Variants in DPP10 observed in about 807,000 individuals in gnomAD.
DPP10 encodes inactive dipeptidyl peptidase 10.
DPP10 carries 33 observed loss-of-function variants against 120.9 expected under a neutral mutation model. That is an observed-to-expected ratio of 0.27 (90% CI 0.21 to 0.37). The LOEUF is 0.37. Ranked by LOEUF, DPP10 falls within the 10% of genes least tolerant of loss-of-function variation. The pLI is 1.00. For synonymous variants in DPP10, 337 were observed against 326.1 expected, an observed-to-expected ratio of 1.03 and a Z score of -0.36; for missense variants, 816 against 942.8, an observed-to-expected ratio of 0.87 and a Z score of 1.76.
chr2:114,758,358 A>G lies in DPP10; in HGVS notation c.60+315520A>G, dbSNP rs539870799. Among the ~76,000 whole-genome samples, 5 of 152,314 alleles carry G rather than the reference A, an allele frequency of 3.3e-5. No homozygotes were observed. The South Asian group carries it at 6.2e-4, about 19-fold the overall frequency. On this transcript the variant is annotated intron_variant, in intron 1 of 25. Coordinates refer to ENST00000410059, the MANE Select transcript of DPP10 (RefSeq NM_020868.6). ...ATGCTGAGCAGATTCCCAAGCTGCC[A>G]TTTCACCCAATCATATTTTAGACAG...
chr2:114,472,132 T>C (rs1240100966), intron 1 of DPP10, among the ~76,000 whole-genome samples: 1 of 152,190 alleles, frequency 6.6e-6, no homozygotes, highest in Non-Finnish European at 1.5e-5. Flanking sequence ...GATTGGTCCA[T>C]GTGATTAGGC....
intron 15 of DPP10, among the ~76,000 whole-genome samples, chr2:115,780,064 A>G (rs1682565804): frequency 6.6e-6 from 1 of 152,004 alleles, no homozygotes; most frequent in African/African-American, 2.4e-5. Context: ...TCATTCCAAA[A>G]TGAAATTGAG....
intron 7 of DPP10, among the ~76,000 whole-genome samples, chr2:115,705,295 C>T (rs1444364509): frequency 6.6e-6 from 1 of 151,858 alleles, no homozygotes; most frequent in Non-Finnish European, 1.5e-5. Flanking sequence ...CTTCATATTC[C>T]ATTAAATATC....
intron 1 of DPP10, among the ~76,000 whole-genome samples, chr2:115,100,544 G>A (rs1263972476): frequency 3.3e-5 from 5 of 151,670 alleles, no homozygotes; most frequent in East Asian, 1.9e-4. Context: ...TTGTATATAC[G>A]TATGTGTGTA....
intron 1 of DPP10, among the ~76,000 whole-genome samples, chr2:115,192,759 G>C (rs949501365): frequency 6.6e-6 from 1 of 151,874 alleles, no homozygotes; most frequent in Non-Finnish European, 1.5e-5. Context: ...TTTAATGTCT[G>C]ACCATAACAT....
At chr2:114,612,582 A>C (rs916964113) in intron 1 of DPP10, among the ~76,000 whole-genome samples, 1 of 152,134 alleles carries the variant, frequency 6.6e-6, no homozygotes, top group African/African-American at 2.4e-5. Flanking sequence ...AGGTAAGGCT[A>C]TCCTAAACCT....
At chr2:114,609,372 T>C (rs1693095038) in intron 1 of DPP10, among the ~76,000 whole-genome samples, 1 of 152,140 alleles carries the variant, frequency 6.6e-6, no homozygotes, top group African/African-American at 2.4e-5. Context: ...ACTGCTTCCG[T>C]GACAGTCAAT....
At chr2:115,157,729 T>C (rs1004542724) in intron 1 of DPP10, among the ~76,000 whole-genome samples, 2 of 152,188 alleles carry the variant, frequency 1.3e-5, no homozygotes, top group Non-Finnish European at 1.5e-5. Context: ...GCAGAAGATA[T>C]GAACTAAAGC....
chr2:115,577,664 A>G (rs557800989), intron 5 of DPP10, among the ~76,000 whole-genome samples: 61 of 152,204 alleles, frequency 4.0e-4, no homozygotes, highest in African/African-American at 1.4e-3. Flanking sequence ...AGGTGCCCAC[A>G]GGGTTGGTGT....
At chr2:114,740,355 T>G (rs1324272299) in intron 1 of DPP10, among the ~76,000 whole-genome samples, 2 of 93,368 alleles carry the variant, frequency 2.1e-5, no homozygotes, top group Admixed American at 1.4e-4. Context: ...TGGGGACTGT[T>G]GTGGGGTGGG....
chr2:115,381,845 G>A (rs528378603), intron 3 of DPP10, among the ~76,000 whole-genome samples: 44 of 152,064 alleles, frequency 2.9e-4, no homozygotes, highest in African/African-American at 9.9e-4. Context: ...GCTGGGGGGT[G>A]CCTCCCAGTT....
chr2:114,650,210 G>A (rs1437717523), intron 1 of DPP10, among the ~76,000 whole-genome samples: 3 of 152,092 alleles, frequency 2.0e-5, no homozygotes, highest in African/African-American at 7.2e-5. Context: ...GAGAGCACAC[G>A]ATGTGAGAAC....
chr2:114,587,301 CA>C (rs11364968), intron 1 of DPP10, among the ~76,000 whole-genome samples: 69,883 of 102,892 alleles, frequency 0.68, 22,959 homozygotes, highest in Middle Eastern at 0.74. Context: ...AACTCCATCT[CA>C]AAAAAAAAAA....
intron 1 of DPP10, among the ~76,000 whole-genome samples, chr2:114,753,568 T>C (rs1037782204): frequency 3.3e-5 from 5 of 152,120 alleles, no homozygotes; most frequent in Admixed American, 1.3e-4. Flanking sequence ...AAATATGTTA[T>C]ATTGTACTTG....
intron 1 of DPP10, chr2:115,131,097 G>A (rs552028219): frequency 1.3e-4 from 20 of 152,314 alleles, no homozygotes; most frequent in Admixed American, 1.1e-3. Context: ...AGCAAGGAAG[G>A]GCTCCTGAGG....
At chr2:114,855,802 G>A (rs1354654292) in intron 1 of DPP10, among the ~76,000 whole-genome samples, 1 of 152,130 alleles carries the variant, frequency 6.6e-6, no homozygotes, top group East Asian at 1.9e-4. Context: ...ATTTCTAGTT[G>A]CTTAATGGCT....
rs185470392 is a variant in DPP10 at position 114,983,953 on chromosome 2, A to T, written c.61-325286A>T. On this transcript the variant is annotated intron_variant, in intron 1 of 25. Transcript: ENST00000410059. The stretch of plus-strand genomic sequence containing the variant: ...GCTCCAGAGCCCATGCTTTGACTTA[A>T]CCACTCTTACACCGCCTCTCCATGC... Among the ~76,000 whole-genome samples, 117 of 152,316 alleles carry T rather than the reference A, an allele frequency of 7.7e-4. No individual in the cohort carries two copies. In the South Asian group the frequency reaches 9.9e-3, roughly 13 times the overall value.
At chr2:115,160,904 A>T (rs2052262842) in intron 1 of DPP10, among the ~76,000 whole-genome samples, 1 of 151,990 alleles carries the variant, frequency 6.6e-6, no homozygotes, top group Admixed American at 6.5e-5. Flanking sequence ...CCTCTCTCTG[A>T]GCCTCACAGT....
At chr2:114,978,253 C>T (rs1699873536) in intron 1 of DPP10, among the ~76,000 whole-genome samples, 1 of 152,144 alleles carries the variant, frequency 6.6e-6, no homozygotes, top group African/African-American at 2.4e-5. Context: ...TGAAGTGTGA[C>T]TGGTGTGAGT....
Sources: allele counts gnomAD v4.1 joint callset (sites outside exome capture counted in the v4.1 genomes callset), GRCh38; gene constraint gnomAD v4.1.1; transcripts MANE v1.5; gene names NCBI Gene and HGNC (gene_info 2026-07-23, HGNC 2026-07-21).